Variants in MAGI2 observed in about 807,000 individuals in gnomAD.
The protein encoded by MAGI2 is membrane-associated guanylate kinase, WW and PDZ domain-containing protein 2.
A neutral mutation model predicts 133.3 loss-of-function variants in MAGI2; 35 were observed. The ratio of observed to expected loss-of-function variants is 0.26; its 90% CI spans 0.20 to 0.35. MAGI2 has a LOEUF of 0.35. Ranked by LOEUF, MAGI2 falls within the 10% of genes least tolerant of loss-of-function variation. The pLI is 1.00. For synonymous variants in MAGI2, 729 were observed against 710.6 expected (o/e 1.03, Z -0.41); for missense variants, 1,636 against 1,863.4 (o/e 0.88, Z 2.25).
At chr7:78,658,236 T>A (rs2151032889) in intron 2 of MAGI2, among the ~76,000 whole-genome samples, 1 of 152,272 alleles carries the variant, frequency 6.6e-6, no homozygotes, top group East Asian at 1.9e-4. Flanking sequence ...GGAAGAGCTT[T>A]TTCAACAAAT....
intron 3 of MAGI2, among the ~76,000 whole-genome samples, chr7:78,556,311 T>C (rs1412831376): frequency 6.6e-6 from 1 of 152,170 alleles, no homozygotes; most frequent in Non-Finnish European, 1.5e-5. Flanking sequence ...CCCAGGGCCA[T>C]GTGCACTTTG....
At chr7:78,324,238 A>C (rs1295194805) in intron 9 of MAGI2, among the ~76,000 whole-genome samples, 2 of 150,416 alleles carry the variant, frequency 1.3e-5, no homozygotes, top group Admixed American at 1.3e-4. Context: ...CTGAGGGGGA[A>C]AAAAAAAACA....
In MAGI2 at chr7:78,947,777, C is replaced by G. The variant is rs548963281; in HGVS notation, c.418+59313G>C. ...GATAAAATAAACCTTTTGATTAACA[C>G]ACATTATTTTTAAAATCAAAATAAT... On this transcript the variant is annotated intron_variant, in intron 2 of 21. Transcript: ENST00000354212. Among the ~76,000 whole-genome samples the G allele has an allele frequency of 2.4e-3, 361 of 152,156 alleles. 1 individual carries two copies. The highest frequency in any genetic ancestry group is 4.2e-3 in the Non-Finnish European group (287 of 67,962).
intron 2 of MAGI2, among the ~76,000 whole-genome samples, chr7:78,734,692 A>G (rs1396631250): frequency 6.6e-6 from 1 of 152,146 alleles, no homozygotes. Context: ...CACTTTTGCC[A>G]TTGCCATGAG....
chr7:78,249,185 T>C (rs950898517), intron 10 of MAGI2, among the ~76,000 whole-genome samples: 6 of 152,170 alleles, frequency 3.9e-5, no homozygotes, highest in African/African-American at 1.2e-4. Flanking sequence ...TGTGTTAAGA[T>C]AGCTATTAGC....
chr7:79,236,191 C>T (rs1181912444), intron 1 of MAGI2, among the ~76,000 whole-genome samples: 1 of 152,140 alleles, frequency 6.6e-6, no homozygotes, highest in African/African-American at 2.4e-5. Flanking sequence ...CTGCCAGTAG[C>T]CATAATCTTA....
At chr7:79,137,319 A>C (rs981007894) in intron 1 of MAGI2, among the ~76,000 whole-genome samples, 2 of 152,124 alleles carry the variant, frequency 1.3e-5, no homozygotes, top group African/African-American at 4.8e-5. Flanking sequence ...TCAGGCATGT[A>C]ACTCTCTAAT....
At chr7:78,680,387 A>G (rs1585065196) in intron 2 of MAGI2, among the ~76,000 whole-genome samples, 1 of 152,150 alleles carries the variant, frequency 6.6e-6, no homozygotes, top group Non-Finnish European at 1.5e-5. Flanking sequence ...GAAGTACCTA[A>G]TAAATGTGGT....
chr7:78,448,000 A>AT (rs1788329235), intron 6 of MAGI2, among the ~76,000 whole-genome samples: 1 of 152,108 alleles, frequency 6.6e-6, no homozygotes, highest in African/African-American at 2.4e-5. Flanking sequence ...GATTCTACAT[A>AT]TAAGTTAGAT....
chr7:79,300,241 G>T (rs1837291052), intron 1 of MAGI2, among the ~76,000 whole-genome samples: 1 of 152,146 alleles, frequency 6.6e-6, no homozygotes, highest in South Asian at 2.1e-4. Context: ...GAGAAAGTTT[G>T]ATATTTCTTG....
intron 1 of MAGI2, among the ~76,000 whole-genome samples, chr7:79,312,636 T>C (rs1474598922): frequency 6.6e-6 from 1 of 152,168 alleles, no homozygotes; most frequent in Non-Finnish European, 1.5e-5. Context: ...TCTCTCTCTC[T>C]CTCAAAATAC....
chr7:78,629,420 A>T lies in MAGI2; in HGVS notation c.419-2181T>A, dbSNP rs191016818. Among the ~76,000 whole-genome samples, 9 of 152,174 alleles carry T rather than the reference A, an allele frequency of 5.9e-5. 1 individual carries two copies. In the East Asian group the frequency reaches 1.7e-3, roughly 29 times the overall value. On this transcript the variant is annotated intron_variant, in intron 2 of 21. Transcript: ENST00000354212. The stretch of plus-strand genomic sequence containing the variant: ...TTTTTCCTATTCTGTTCTTCTTTCT[A>T]ATTATGATCTCTAGTCCCTGATCTC...
intron 1 of MAGI2, among the ~76,000 whole-genome samples, chr7:79,131,737 C>A (rs546106353): frequency 2.6e-5 from 4 of 151,994 alleles, no homozygotes. Context: ...GCATGTCTTT[C>A]GTTTTTGAAT....
chr7:79,178,143 T>A (rs1177059065), intron 1 of MAGI2, among the ~76,000 whole-genome samples: 1 of 151,824 alleles, frequency 6.6e-6, no homozygotes, highest in Non-Finnish European at 1.5e-5. Flanking sequence ...TTTCTACTAA[T>A]TCTCTCTTTC....
intron 2 of MAGI2, among the ~76,000 whole-genome samples, chr7:78,794,333 G>A (rs1180799698): frequency 6.6e-6 from 1 of 152,112 alleles, no homozygotes; most frequent in Non-Finnish European, 1.5e-5. Context: ...ACTGAAATGG[G>A]GGAGCAAGAG....
At chr7:78,318,738 C>T (rs1331450636) in intron 9 of MAGI2, among the ~76,000 whole-genome samples, 1 of 152,148 alleles carries the variant, frequency 6.6e-6, no homozygotes, top group African/African-American at 2.4e-5. Context: ...AGGTTACCCA[C>T]AAAAGGAAGC....
At chr7:78,624,058 G>C (rs974674290) in intron 3 of MAGI2, among the ~76,000 whole-genome samples, 6 of 151,892 alleles carry the variant, frequency 4.0e-5, no homozygotes, top group African/African-American at 9.7e-5. Context: ...TTGTGGTTTT[G>C]ATTTGTGTTT....
At chr7:79,397,082 T>C (rs1845113637) in intron 1 of MAGI2, among the ~76,000 whole-genome samples, 2 of 151,406 alleles carry the variant, frequency 1.3e-5, no homozygotes, top group Admixed American at 6.6e-5. Flanking sequence ...AGGTTTTACA[T>C]ATATATGCTT....
chr7:79,009,331 T>C (rs570628592), intron 1 of MAGI2, among the ~76,000 whole-genome samples: 1 of 152,302 alleles, frequency 6.6e-6, no homozygotes, highest in African/African-American at 2.4e-5. Flanking sequence ...ATCTTTTTTT[T>C]CATAGAAGAA....
Sources: allele counts gnomAD v4.1 joint callset (sites outside exome capture counted in the v4.1 genomes callset), GRCh38; gene constraint gnomAD v4.1.1; transcripts MANE v1.5; gene names NCBI Gene and HGNC (gene_info 2026-07-23, HGNC 2026-07-21).